MSH5: variants seen among roughly 807,000 people sequenced by gnomAD.
MSH5 encodes mutS homolog 5, also known as mutS protein homolog 5.
A neutral mutation model predicts 107.7 loss-of-function variants in MSH5; 78 were observed. That is an observed-to-expected ratio of 0.72 (90% CI 0.60 to 0.87). MSH5 has a LOEUF of 0.87. Ranked by LOEUF, MSH5 falls within the 40% of genes least tolerant of loss-of-function variation. MSH5 has a pLI of 0.00. For missense variants in MSH5, 889 were observed against 1,046.6 expected (o/e 0.85, Z 2.08); for synonymous variants, 326 against 399.5 (o/e 0.82, Z 2.19).
At position 31,741,232 on chromosome 6, in the gene MSH5, A is replaced by G. The variant is rs781635576; in HGVS notation, c.217A>G (p.Ile73Val). The change falls in exon 3 of 25, where the codon ATC becomes GTC. Residue 73 changes from isoleucine to valine, a missense_variant. This residue lies in a region of MSH5 where 518 missense variants were observed against 565.0 expected (regional missense o/e 0.92). Coordinates refer to ENST00000375750, the MANE Select transcript of MSH5 (RefSeq NM_172166.4). ...IAYYDTSDST[I>V]HFMPDAPDHE... The stretch of plus-strand genomic sequence containing the variant: ...CTACTATGATACTAGTGACTCCACT[A>G]TCCACTTCATGCCAGATGCCCCAGA... 8.7e-6 allele frequency: 14 copies of G among 1,612,860 alleles called. No homozygotes were observed. Among genetic ancestry groups the G allele is most frequent in the Non-Finnish European group, 1.2e-5 (14 of 1,179,982 alleles).
chr6:31,740,338 C>G lies in MSH5; in HGVS notation c.-13-116C>G. 8.8e-7 allele frequency: 1 copy of G among 1,133,918 alleles called. No homozygotes were observed. Among genetic ancestry groups the G allele is most frequent in the Non-Finnish European group, 1.2e-6 (1 of 813,584 alleles). 70.2% of individuals were successfully genotyped at this position (1,133,918 alleles called of 1,614,324 possible). ...CCACAGCTCTCCACGCCCCTCAGCC[C>G]TGCCCCGCAGCCCTGTAGCAGAAGT... On this transcript the variant is annotated intron_variant, in intron 1 of 24. Coordinates refer to ENST00000375750, the MANE Select transcript of MSH5 (RefSeq NM_172166.4). The surrounding 1 kb of genome is among the most constrained non-coding windows in gnomAD (Gnocchi z 4.4).
rs538970548 is a variant in MSH5 at position 31,762,178 on chromosome 6, A to C, written c.2386A>C (p.Met796Leu). Reference protein sequence around the residue: ...PVKDLLKKNQMENCQTLVDKF... With the variant: ...PVKDLLKKNQLENCQTLVDKF... The stretch of plus-strand genomic sequence containing the variant: ...CAAGGATTTGCTAAAGAAGAACCAA[A>C]TGGAAAAGTGCGTATATGGCCCCAG... The change falls in exon 24 of 25, where the codon ATG becomes CTG. Residue 796 changes from methionine (M) to leucine (L), a missense_variant. Met to Leu is a conservative substitution (Grantham distance 15). Coordinates refer to ENST00000375750, the MANE Select transcript of MSH5 (RefSeq NM_172166.4). The C allele has an allele frequency of 6.2e-7, 1 of 1,614,064 alleles. No homozygotes were observed. Among genetic ancestry groups the C allele is most frequent in the East Asian group, 2.2e-5 (1 of 44,886 alleles).
intron 9 of MSH5, 122 bp from the exon 10 acceptor site, chr6:31,747,265 C>A: frequency 9.6e-7 from 1 of 1,045,510 alleles, no homozygotes; most frequent in Non-Finnish European, 1.4e-6. Flanking sequence ...TTGTGCCCTC[C>A]CAGGCCAGCT....
At chr6:31,762,365 C>G in intron 24 of MSH5, 55 bp from the exon 25 acceptor site, 2 of 1,412,772 alleles carry the variant, frequency 1.4e-6, no homozygotes, top group Non-Finnish European at 2.0e-6. Context: ...CCCCTCTGCC[C>G]AGGGATTTGG....
Position 31,740,629 on chromosome 6 carries a change from A to G in MSH5, c.147+16A>G, listed in dbSNP as rs1808777679. ...GCTGGCCGAGGTCTCTGAGGGGAGT[A>G]GAAACTTGAATGGAGAGTTGATGGG... On this transcript the variant is annotated intron_variant, in intron 2 of 24. Transcript: ENST00000375750. This position sits in a 1 kb window ranked among gnomAD's most constrained non-coding sequence, Gnocchi z 4.4. 2 of 1,481,516 alleles carry G rather than the reference A, an allele frequency of 1.3e-6. No homozygotes were observed. Among genetic ancestry groups the G allele is most frequent in the Non-Finnish European group, 1.8e-6 (2 of 1,118,014 alleles). The allele number at this position is 1,481,516 out of a possible 1,614,324, so 91.8% of individuals were successfully genotyped here.
chr6:31,741,151 C>T lies in MSH5; in HGVS notation c.148-12C>T, dbSNP rs1808833806. 1 of 1,612,322 alleles carries T rather than the reference C, an allele frequency of 6.2e-7. No homozygotes were observed. On this transcript the variant is annotated splice_polypyrimidine_tract_variant and intron_variant, in intron 2 of 24. Coordinates refer to ENST00000375750, the MANE Select transcript of MSH5 (RefSeq NM_172166.4). ...ATTCTAATAGTGATTTCCTTTCTTC[C>T]TTGCTGGACAGATCCATCTGTGTGT...
chr6:31,760,036 G>A lies in MSH5; in HGVS notation c.1686-54G>A. On this transcript the variant is annotated intron_variant, in intron 18 of 24. Transcript: ENST00000375750. This position sits in a 1 kb window ranked among gnomAD's most constrained non-coding sequence, Gnocchi z 5.6. ...GGGCCCAAAGGCTACATCTTCTGGG[G>A]GTTCATCTATCTTGATCCACAAGCC... 6.2e-7 allele frequency: 1 copy of A among 1,609,614 alleles called. No homozygotes were observed. The highest frequency in any genetic ancestry group is 1.7e-5 in the Admixed American group (1 of 59,800).
chr6:31,747,562 C>T (rs1809574526), intron 10 of MSH5, 130 bp downstream of exon 10: 1 of 882,396 alleles, frequency 1.1e-6, no homozygotes, highest in South Asian at 1.5e-5. Context: ...AAAGCAACTG[C>T]CCTTTACTGA....
At chr6:31,753,912 G>C (rs971639309) in intron 12 of MSH5, 2 of 350,092 alleles carry the variant, frequency 5.7e-6, no homozygotes, top group Admixed American at 3.7e-5. Context: ...TTTTAGTAGA[G>C]ACAGGATTTC....
At chr6:31,747,533 C>T (rs1216468821) in intron 10 of MSH5, 101 bp downstream of exon 10, 5 of 1,209,936 alleles carry the variant, frequency 4.1e-6, no homozygotes, top group Non-Finnish European at 6.0e-6. Context: ...TCACATACAC[C>T]ACCCCACCTA....
In MSH5 at chr6:31,758,611, A is replaced by G; in HGVS notation, c.1207A>G (p.Ile403Val). Residue 403 changes from isoleucine (I) to valine (V), a missense_variant, in exon 14 of 25, where the codon ATT (isoleucine) becomes GTT (valine). Transcript: ENST00000375750. This position sits in a 1 kb window ranked among gnomAD's most constrained non-coding sequence, Gnocchi z 5.1. ...AGTCCTCCCCAACATAGATCCTGAA[A>G]TTGATGAGAGTGAGTGTTGGGTGTG... ...FTVLPNIDPEIDEKKRRLMGL... is the reference protein window; with the variant it reads ...FTVLPNIDPEVDEKKRRLMGL... 6.2e-7 allele frequency: 1 copy of G among 1,614,042 alleles called. No homozygotes were observed. Among genetic ancestry groups the G allele is most frequent in the Non-Finnish European group, 8.5e-7 (1 of 1,180,034 alleles).
In MSH5 at chr6:31,761,724, C is replaced by G. The variant is rs751424443; in HGVS notation, c.2182-94C>G. 10 of 1,612,042 alleles carry G rather than the reference C, an allele frequency of 6.2e-6. No individual in the cohort carries two copies. Among genetic ancestry groups the G allele is most frequent in the Non-Finnish European group, 8.5e-6 (10 of 1,178,928 alleles). On this transcript the variant is annotated intron_variant, in intron 22 of 24. Transcript: ENST00000375750. The surrounding 1 kb of genome is among the most constrained non-coding windows in gnomAD (Gnocchi z 5.3). ...GGCTCCCTCAGCACAGAGACCACATCCCTTCCCTTTTCTCCCTCCCCACAG... is the reference window on the plus strand; with the variant it reads ...GGCTCCCTCAGCACAGAGACCACATGCCTTCCCTTTTCTCCCTCCCCACAG...
chr6:31,756,226 A>T (rs1041262308), intron 12 of MSH5, among the ~76,000 whole-genome samples: 1 of 152,204 alleles, frequency 6.6e-6, no homozygotes, highest in Non-Finnish European at 1.5e-5. Context: ...GCTGAAGTGC[A>T]GTGGCACGAT....
chr6:31,742,969 G>A lies in MSH5; in HGVS notation c.352+12G>A. On this transcript the variant is annotated intron_variant, in intron 4 of 24. Coordinates refer to ENST00000375750, the MANE Select transcript of MSH5 (RefSeq NM_172166.4). ...TCTGGGAAAGCTTGGTAAGGACTTG[G>A]TAAAGGATAGAGGGAAAATGGGGAA... 1 of 1,612,914 alleles carries A rather than the reference G, an allele frequency of 6.2e-7. No individual in the cohort carries two copies. The highest frequency in any genetic ancestry group is 8.5e-7 in the Non-Finnish European group (1 of 1,179,920).
intron 10 of MSH5, among the ~76,000 whole-genome samples, chr6:31,750,172 A>G (rs954107646): frequency 2.6e-5 from 4 of 152,248 alleles, no homozygotes; most frequent in South Asian, 2.1e-4. Context: ...GAATCATCAT[A>G]TAATCTAATG....
intron 10 of MSH5, among the ~76,000 whole-genome samples, chr6:31,751,820 C>A (rs1307995217): frequency 6.6e-6 from 1 of 151,930 alleles, no homozygotes; most frequent in African/African-American, 2.4e-5. Context: ...TACAAATGGC[C>A]AGGCGCAGTA....
At chr6:31,741,066 C>G in intron 2 of MSH5, 97 bp from the exon 3 acceptor site, 1 of 1,483,734 alleles carries the variant, frequency 6.7e-7, no homozygotes, top group Non-Finnish European at 9.1e-7. Context: ...ATGCCTATCT[C>G]AGAGATTTGA....
intron 10 of MSH5, among the ~76,000 whole-genome samples, chr6:31,752,718 CAAAA>C (rs9279408): frequency 1.6e-5 from 2 of 124,564 alleles, no homozygotes. Context: ...GACTCTGTCT[CAAAA>C]AAAAAAAAAA....
At chr6:31,745,457 C>G (rs1437278044) in intron 9 of MSH5, 138 bp downstream of exon 9, 1 of 642,090 alleles carries the variant, frequency 1.6e-6, no homozygotes, top group Non-Finnish European at 2.7e-6. Context: ...AAATTTCTTA[C>G]CTATTTGTAC....
Sources: allele counts gnomAD v4.1 joint callset (sites outside exome capture counted in the v4.1 genomes callset), GRCh38; gene constraint gnomAD v4.1.1; regional missense constraint gnomAD v4.1.1; non-coding constraint Gnocchi (gnomAD v3.1); transcripts MANE v1.5; gene names NCBI Gene and HGNC (gene_info 2026-07-23, HGNC 2026-07-21).